Variants in UNC13C observed in about 807,000 individuals in gnomAD.
UNC13C encodes the protein protein unc-13 homolog C.
Under a neutral mutation model 245.4 loss-of-function variants are expected in UNC13C, and 174 were observed. That is an observed-to-expected ratio of 0.71 (90% CI 0.63 to 0.80). The LOEUF is 0.80. Among genes scored for constraint, UNC13C ranks in the 30% least tolerant of loss-of-function variants. The probability of loss-of-function intolerance (pLI) is 0.00; values close to 1 mark genes in which losing one functional copy is unlikely to be tolerated. For missense variants in UNC13C, 2,829 were observed against 2,602.9 expected, an observed-to-expected ratio of 1.09 and a Z score of -1.89; for synonymous variants, 992 against 895.1, an observed-to-expected ratio of 1.11 and a Z score of -1.93.
chr15:53,848,649 G>GT, the UNC13C span, among the ~76,000 whole-genome samples: 4 of 152,022 alleles, frequency 2.6e-5, no homozygotes, highest in Admixed American at 2.0e-4. Context: ...GATTCTTGGC[G>GT]TTTTTTAGGT....
chr15:54,181,461 T>C (rs887403447), intron 4 of UNC13C, among the ~76,000 whole-genome samples: 3 of 149,998 alleles, frequency 2.0e-5, no homozygotes, highest in African/African-American at 7.5e-5. Context: ...TTTTGTTTGT[T>C]TGTTTTGTTT....
chr15:54,604,310 A>C (rs1596656938), intron 30 of UNC13C, among the ~76,000 whole-genome samples: 1 of 152,214 alleles, frequency 6.6e-6, no homozygotes, highest in African/African-American at 2.4e-5. Flanking sequence ...TTAGTTGTGC[A>C]TCTAATACCT....
chr15:54,256,831 G>C (rs908223534), intron 8 of UNC13C, among the ~76,000 whole-genome samples: 1 of 152,128 alleles, frequency 6.6e-6, no homozygotes, highest in Non-Finnish European at 1.5e-5. Flanking sequence ...ATTAGGAAAG[G>C]GAATATTTGA....
intron 1 of UNC13C, among the ~76,000 whole-genome samples, chr15:53,986,585 A>G (rs1174471032): frequency 6.8e-6 from 1 of 147,168 alleles, no homozygotes; most frequent in East Asian, 1.9e-4. Flanking sequence ...AATTTAATTA[A>G]GATTATAAAA....
At chr15:54,015,942 A>T (rs924038501) in intron 2 of UNC13C, 56 bp downstream of exon 2, 1 of 1,376,170 alleles carries the variant, frequency 7.3e-7, no homozygotes, top group African/African-American at 1.5e-5. Flanking sequence ...ATTGGGTAGC[A>T]CTTCTTTAGA....
At chr15:54,433,377 T>G (rs2040911838) in intron 19 of UNC13C, among the ~76,000 whole-genome samples, 1 of 152,052 alleles carries the variant, frequency 6.6e-6, no homozygotes, top group Admixed American at 6.6e-5. Context: ...TCAACAAGCT[T>G]ATCCACCACG....
chr15:54,002,175 A>C (rs1894923372), intron 1 of UNC13C, among the ~76,000 whole-genome samples: 1 of 152,086 alleles, frequency 6.6e-6, no homozygotes, highest in African/African-American at 2.4e-5. Context: ...AGTCCCAGCT[A>C]CTCGGGAGGC....
chr15:53,981,132 C>T (rs980890621), intron 1 of UNC13C, among the ~76,000 whole-genome samples: 2 of 152,116 alleles, frequency 1.3e-5, no homozygotes, highest in African/African-American at 2.4e-5. Flanking sequence ...ATCTTTTCCC[C>T]GATTCTCCAG....
At chr15:53,873,019 C>A in the UNC13C span, among the ~76,000 whole-genome samples, 3 of 152,272 alleles carry the variant, frequency 2.0e-5, no homozygotes, top group East Asian at 5.8e-4. Flanking sequence ...CAGGCTTCAT[C>A]CATGTCTAGG....
intron 25 of UNC13C, among the ~76,000 whole-genome samples, chr15:54,530,371 A>G (rs1895680731): frequency 1.3e-5 from 2 of 152,222 alleles, no homozygotes; most frequent in African/African-American, 2.4e-5. Context: ...ATAATGCAGC[A>G]GTTTTAACTA....
intron 4 of UNC13C, among the ~76,000 whole-genome samples, chr15:54,233,255 G>A (rs79888975): frequency 4.5e-4 from 68 of 152,208 alleles, no homozygotes; most frequent in Non-Finnish European, 8.4e-4. Flanking sequence ...GGAGAAAGGG[G>A]TCTTTTAAAT....
intron 2 of UNC13C, among the ~76,000 whole-genome samples, chr15:54,035,355 TA>T (rs1303778925): frequency 6.6e-6 from 1 of 151,562 alleles, no homozygotes; most frequent in African/African-American, 2.4e-5. Context: ...CCTATGTTTT[TA>T]TTTTTTTTTG....
chr15:54,152,859 A>G (rs1176850552), intron 4 of UNC13C, among the ~76,000 whole-genome samples: 3 of 150,544 alleles, frequency 2.0e-5, no homozygotes, highest in Admixed American at 6.6e-5. Context: ...CTTAGAGAGA[A>G]AAAAAAAAGA....
intron 22 of UNC13C, among the ~76,000 whole-genome samples, chr15:54,501,816 G>C (rs1013149615): frequency 6.6e-6 from 1 of 152,154 alleles, no homozygotes; most frequent in African/African-American, 2.4e-5. Flanking sequence ...TTCTAAGCCA[G>C]AGGAATAGCG....
At chr15:54,382,992 T>G (rs2039759958) in intron 17 of UNC13C, among the ~76,000 whole-genome samples, 1 of 152,090 alleles carries the variant, frequency 6.6e-6, no homozygotes, top group South Asian at 2.1e-4. Flanking sequence ...CAAGATTCAA[T>G]GAGGAAGAAA....
Position 54,519,433 on chromosome 15 carries a change from C to G in UNC13C, c.5458-6116C>G, listed in dbSNP as rs532900621. ...TTCAGTTGTCTAGACTGAAGAACCT[C>G]ATTTAACATATCTCAAAGGCATTTT... On this transcript the variant is annotated intron_variant, in intron 24 of 32. Transcript: ENST00000260323. Among the ~76,000 whole-genome samples, 7 of 152,190 alleles carry G rather than the reference C, an allele frequency of 4.6e-5. No individual in the cohort carries two copies. The South Asian group carries it at 8.3e-4, about 18-fold the overall frequency.
At chr15:53,884,855 C>T in the UNC13C span, among the ~76,000 whole-genome samples, 1 of 152,096 alleles carries the variant, frequency 6.6e-6, no homozygotes, top group African/African-American at 2.4e-5. Flanking sequence ...CTCCTCCTAC[C>T]AAATGCCTTC....
the UNC13C span, among the ~76,000 whole-genome samples, chr15:53,840,330 T>A: frequency 3.9e-5 from 6 of 152,272 alleles, no homozygotes; most frequent in South Asian, 1.2e-3. Context: ...ATTAGGACTT[T>A]AGCTCTGTTA....
intron 19 of UNC13C, among the ~76,000 whole-genome samples, chr15:54,470,890 T>C (rs1220523475): frequency 1.3e-5 from 2 of 151,462 alleles, no homozygotes; most frequent in African/African-American, 4.8e-5. Flanking sequence ...TGCTATATAT[T>C]TCCCTCTCAG....
Sources: allele counts gnomAD v4.1 joint callset (sites outside exome capture counted in the v4.1 genomes callset), GRCh38; gene constraint gnomAD v4.1.1; transcripts MANE v1.5; gene names NCBI Gene and HGNC (gene_info 2026-07-23, HGNC 2026-07-21).